Variants in SMIM36 observed in about 807,000 individuals in gnomAD.
The protein encoded by SMIM36 is small integral membrane protein 36.
chr17:55,486,831 C>T (rs1162472570), intron 1 of SMIM36, among the ~76,000 whole-genome samples: 5 of 152,172 alleles, frequency 3.3e-5, no homozygotes, highest in African/African-American at 1.2e-4. Flanking sequence ...ATGAGAATAA[C>T]TAATATCAGC....
chr17:55,527,525 C>T, the SMIM36 span, among the ~76,000 whole-genome samples: 1 of 152,188 alleles, frequency 6.6e-6, no homozygotes, highest in Non-Finnish European at 1.5e-5. Context: ...CTCACATCTA[C>T]TCTTATTGTC....
intron 4 of SMIM36, among the ~76,000 whole-genome samples, chr17:55,462,504 G>C (rs1909163397): frequency 6.6e-6 from 1 of 152,202 alleles, no homozygotes; most frequent in Non-Finnish European, 1.5e-5. Context: ...AACTCAGGAG[G>C]CTGAAGTGGG....
At chr17:55,505,421 T>C (rs1413796311) in intron 1 of SMIM36, among the ~76,000 whole-genome samples, 1 of 65,412 alleles carries the variant, frequency 1.5e-5, no homozygotes, top group Non-Finnish European at 2.4e-5. Flanking sequence ...GCTGGTTCAA[T>C]ATACGCAAAT....
At chr17:55,511,104 G>A in exon 1 of SMIM36, 1 of 396,548 alleles carries the variant, frequency 2.5e-6, no homozygotes, top group Non-Finnish European at 4.4e-6. Flanking sequence ...CCAAAGAAAG[G>A]CCAGGCCCCT....
chr17:55,517,723 T>C, the SMIM36 span, among the ~76,000 whole-genome samples: 1 of 152,152 alleles, frequency 6.6e-6, no homozygotes, highest in Non-Finnish European at 1.5e-5. Context: ...GAGTTATCCT[T>C]AGGATTAAAT....
At chr17:55,523,391 A>G in the SMIM36 span, among the ~76,000 whole-genome samples, 2 of 152,158 alleles carry the variant, frequency 1.3e-5, no homozygotes, top group East Asian at 1.9e-4. Flanking sequence ...TTAGTTGGGC[A>G]TGGTGGCACG....
chr17:55,474,213 T>C (rs1198377213), intron 3 of SMIM36, among the ~76,000 whole-genome samples: 1 of 152,222 alleles, frequency 6.6e-6, no homozygotes, highest in African/African-American at 2.4e-5. Flanking sequence ...AGGGGTTTTG[T>C]CTGCGGCTTG....
chr17:55,461,918 C>A (rs1043288674), intron 4 of SMIM36, among the ~76,000 whole-genome samples: 18 of 152,144 alleles, frequency 1.2e-4, no homozygotes, highest in African/African-American at 4.3e-4. Context: ...CGGAAGAAGG[C>A]TGCAAATGTA....
intron 4 of SMIM36, among the ~76,000 whole-genome samples, chr17:55,466,192 G>A (rs190322384): frequency 2.8e-5 from 4 of 145,018 alleles, no homozygotes; most frequent in East Asian, 2.0e-4. Flanking sequence ...TAGGAGAATC[G>A]CTTGAACCTG....
chr17:55,527,150 T>G, the SMIM36 span: 1 of 152,198 alleles, frequency 6.6e-6, no homozygotes, highest in East Asian at 1.9e-4. Context: ...TATGTCCTCA[T>G]GTTATTGACC....
rs1198483710 is a variant in SMIM36 at position 55,500,761 on chromosome 17, T to TTATATTTTATAATATATAATATATTATTA, written c.*174+10089_*174+10117dup. Reference sequence around the variant, plus strand: ...CATTTAAAAGTATTTCACTTATGTTTTATATTTTATAATATATAATATATT... The same window carrying TTATATTTTATAATATATAATATATTATTA: ...CATTTAAAAGTATTTCACTTATGTTTTATATTTTATAATATATAATATATTATTATATATTTTATAATATATAATATATT... On this transcript the variant is annotated intron_variant, in intron 1 of 4. Coordinates refer to ENST00000636752, the Ensembl canonical transcript of SMIM36. Among the ~76,000 whole-genome samples the TTATATTTTATAATATATAATATATTATTA allele has an allele frequency of 2.1e-4, 24 of 114,784 alleles. 6 individuals are homozygous for TTATATTTTATAATATATAATATATTATTA. Among genetic ancestry groups the TTATATTTTATAATATATAATATATTATTA allele is most frequent in the Non-Finnish European group, 3.3e-4 (20 of 60,768 alleles). 75.3% of individuals were successfully genotyped at this position (114,784 alleles called of 152,430 possible).
At chr17:55,451,347 G>A (rs1459825217) in intron 4 of SMIM36, among the ~76,000 whole-genome samples, 1 of 152,174 alleles carries the variant, frequency 6.6e-6, no homozygotes, top group African/African-American at 2.4e-5. Flanking sequence ...ACCTTGGGTT[G>A]CCCTTGAAGC....
intron 1 of SMIM36, among the ~76,000 whole-genome samples, chr17:55,499,672 G>A (rs1567870211): frequency 6.6e-6 from 1 of 152,104 alleles, no homozygotes; most frequent in Non-Finnish European, 1.5e-5. Flanking sequence ...TAATACAAAT[G>A]TGCATGATAG....
intron 1 of SMIM36, among the ~76,000 whole-genome samples, chr17:55,485,669 T>TGTTAATTTAACATTAAGAATAACATTA (rs1178040597): frequency 2.0e-5 from 3 of 152,250 alleles, no homozygotes; most frequent in Non-Finnish European, 4.4e-5. Context: ...TTATAGTTTA[T>TGTTAATTTAACATTAAGAATAACATTA]AGAATAATGT....
upstream of SMIM36, among the ~76,000 whole-genome samples, chr17:55,515,911 G>A (rs917929751): frequency 6.6e-6 from 1 of 152,228 alleles, no homozygotes; most frequent in Non-Finnish European, 1.5e-5. Context: ...AGCAAACCAG[G>A]AGGTATACCA....
intron 4 of SMIM36, among the ~76,000 whole-genome samples, chr17:55,463,838 A>T (rs73318284): frequency 0.082 from 12,516 of 151,822 alleles, 552 homozygotes; most frequent in South Asian, 0.14. Flanking sequence ...AGAAAAGAGG[A>T]TGTTGAAGGC....
At chr17:55,464,209 C>T (rs1259538755) in intron 4 of SMIM36, among the ~76,000 whole-genome samples, 1 of 152,140 alleles carries the variant, frequency 6.6e-6, no homozygotes, top group Non-Finnish European at 1.5e-5. Flanking sequence ...TGGCTTGAAA[C>T]TGGAGAAGGA....
intron 1 of SMIM36, among the ~76,000 whole-genome samples, chr17:55,497,040 A>C (rs967308469): frequency 3.3e-5 from 5 of 152,104 alleles, no homozygotes; most frequent in African/African-American, 1.2e-4. Flanking sequence ...AGAGACTTGG[A>C]TACTTTAGGG....
At chr17:55,512,861 G>A (rs1314678796), upstream of SMIM36, among the ~76,000 whole-genome samples, 5 of 152,198 alleles carry the variant, frequency 3.3e-5, no homozygotes, top group African/African-American at 1.2e-4. Context: ...CCAAAGGTCT[G>A]CTGGTTTCTT....
Sources: allele counts gnomAD v4.1 joint callset (sites outside exome capture counted in the v4.1 genomes callset), GRCh38; gene constraint gnomAD v4.1.1; transcripts MANE v1.5; gene names NCBI Gene and HGNC (gene_info 2026-07-23, HGNC 2026-07-21).